KCNMA1: variants seen among roughly 807,000 people sequenced by gnomAD.
The protein encoded by KCNMA1 is potassium calcium-activated channel subfamily M alpha 1, also known as Calcium-activated potassium channel subunit alpha-1.
KCNMA1 carries 29 observed loss-of-function variants against 140.0 expected under a neutral mutation model. The observed-to-expected ratio is 0.21, with a 90% CI of 0.15 to 0.28. The LOEUF (loss-of-function observed/expected upper bound fraction) is 0.28. Ranked by LOEUF, KCNMA1 falls within the 10% of genes least tolerant of loss-of-function variation. The pLI is 1.00. For synonymous variants in KCNMA1, 612 were observed against 611.9 expected, an observed-to-expected ratio of 1.00 and a Z score of 0.00; for missense variants, 880 against 1,602.2, an observed-to-expected ratio of 0.55 and a Z score of 7.70.
At chr10:77,187,732 C>A (rs1598279434) in intron 3 of KCNMA1, among the ~76,000 whole-genome samples, 1 of 152,232 alleles carries the variant, frequency 6.6e-6, no homozygotes, top group East Asian at 1.9e-4. Flanking sequence ...CTTTCTATCC[C>A]TTTTAGCTAT....
intron 1 of KCNMA1, among the ~76,000 whole-genome samples, chr10:77,619,965 T>C (rs948412295): frequency 2.0e-5 from 3 of 152,136 alleles, no homozygotes; most frequent in African/African-American, 7.2e-5. Context: ...CCCAGCCTTC[T>C]ATCACATTTG....
Position 76,920,016 on chromosome 10 carries a change from G to GTA in KCNMA1, c.2903-4968_2903-4967insTA, listed in dbSNP as rs1377571381. ...TGTGTGTGTGTGTGTGTGTGTGTGT[G>GTA]TGTGTATATATATATATATATATAT... On this transcript the variant is annotated intron_variant, in intron 23 of 27. Transcript: ENST00000286628. 3.0e-3 allele frequency among the ~76,000 whole-genome samples: 131 copies of GTA among 44,212 alleles called. 3 individuals carry two copies. Among genetic ancestry groups the GTA allele is most frequent in the Admixed American group, 5.0e-3 (19 of 3,794 alleles). 29.0% of individuals were successfully genotyped at this position (44,212 alleles called of 152,430 possible). A position where few individuals can be genotyped will look rare whatever the true frequency, so the allele number is the denominator to read the frequency against.
At chr10:76,956,893 T>C (rs2068557897) in intron 20 of KCNMA1, among the ~76,000 whole-genome samples, 1 of 151,724 alleles carries the variant, frequency 6.6e-6, no homozygotes, top group South Asian at 2.1e-4. Context: ...GAGGCCAAGG[T>C]GGGCGGATCA....
At chr10:77,151,819 T>C (rs554644110) in intron 5 of KCNMA1, among the ~76,000 whole-genome samples, 7 of 152,228 alleles carry the variant, frequency 4.6e-5, no homozygotes, top group African/African-American at 7.2e-5. Flanking sequence ...TTAAGAGAGA[T>C]GTTACACTGG....
At chr10:77,028,009 C>T (rs2093620468) in intron 15 of KCNMA1, 118 bp from the exon 16 acceptor site, 2 of 895,528 alleles carry the variant, frequency 2.2e-6, no homozygotes, top group African/African-American at 3.3e-5. Flanking sequence ...GATCCTCATT[C>T]CACCGGCACT....
At chr10:77,192,287 C>T (rs1003445698) in intron 3 of KCNMA1, among the ~76,000 whole-genome samples, 5 of 152,202 alleles carry the variant, frequency 3.3e-5, no homozygotes, top group Admixed American at 6.5e-5. Flanking sequence ...ACTCAGGTGG[C>T]GAGAACCCTT....
At chr10:77,562,404 G>C (rs1006212451) in intron 1 of KCNMA1, among the ~76,000 whole-genome samples, 5 of 152,054 alleles carry the variant, frequency 3.3e-5, no homozygotes, top group African/African-American at 1.2e-4. Context: ...ATACTTCCTC[G>C]CAAGCTGTTG....
chr10:76,909,854 G>T, intron 25 of KCNMA1, 112 bp downstream of exon 25: 1 of 1,097,268 alleles, frequency 9.1e-7, no homozygotes, highest in Non-Finnish European at 1.3e-6. Context: ...GAGCTTCTAG[G>T]AGTCTTGCTC....
At chr10:77,522,963 A>T (rs1408551713) in intron 1 of KCNMA1, among the ~76,000 whole-genome samples, 1 of 152,140 alleles carries the variant, frequency 6.6e-6, no homozygotes, top group Non-Finnish European at 1.5e-5. Flanking sequence ...TTTGGGTCCC[A>T]TCAAGGGGCA....
intron 12 of KCNMA1, among the ~76,000 whole-genome samples, chr10:77,082,705 C>G (rs1034966989): frequency 6.6e-6 from 1 of 151,988 alleles, no homozygotes. Flanking sequence ...GTAACTGATT[C>G]GGGAATGAGC....
At chr10:77,025,381 G>A (rs1040334643) in intron 16 of KCNMA1, 44 of 1,372,160 alleles carry the variant, frequency 3.2e-5, no homozygotes, top group Non-Finnish European at 4.3e-5. Context: ...CAAATGGTTA[G>A]TCCTGTGGTT....
At chr10:77,098,036 C>T (rs1256671385) in intron 9 of KCNMA1, among the ~76,000 whole-genome samples, 1 of 152,230 alleles carries the variant, frequency 6.6e-6, no homozygotes, top group Non-Finnish European at 1.5e-5. Flanking sequence ...TGCATCTTAT[C>T]GCATGCAGAC....
intron 1 of KCNMA1, among the ~76,000 whole-genome samples, chr10:77,490,400 C>T (rs1391053764): frequency 1.3e-5 from 2 of 152,196 alleles, no homozygotes; most frequent in African/African-American, 2.4e-5. Flanking sequence ...GCAAGTGGCT[C>T]CAGCTCTTTG....
At chr10:77,219,463 G>A (rs996366878) in intron 3 of KCNMA1, among the ~76,000 whole-genome samples, 24 of 152,084 alleles carry the variant, frequency 1.6e-4, no homozygotes, top group African/African-American at 5.8e-4. Flanking sequence ...GTTCTAAGAG[G>A]GGTGGTGGCT....
At chr10:76,910,548 C>G in intron 24 of KCNMA1, 1 of 278,612 alleles carries the variant, frequency 3.6e-6, no homozygotes. Flanking sequence ...GGAAGGGGAG[C>G]ACAGCAAAGG....
intron 18 of KCNMA1, among the ~76,000 whole-genome samples, 188 bp from the exon 19 acceptor site, chr10:77,001,768 C>T (rs1408041813): frequency 2.0e-5 from 3 of 152,102 alleles, no homozygotes; most frequent in Non-Finnish European, 2.9e-5. Context: ...AAAAAAGCAG[C>T]GAAAATATAA....
chr10:77,461,062 C>T (rs1352276942), intron 1 of KCNMA1, among the ~76,000 whole-genome samples: 1 of 151,968 alleles, frequency 6.6e-6, no homozygotes, highest in African/African-American at 2.4e-5. Flanking sequence ...GCCAAGATCA[C>T]ACCATTGCAC....
chr10:77,294,912 C>T (rs1455897093), intron 2 of KCNMA1, among the ~76,000 whole-genome samples: 3 of 151,238 alleles, frequency 2.0e-5, no homozygotes, highest in Non-Finnish European at 4.4e-5. Flanking sequence ...GAGCAAGACT[C>T]TGTCTCAAAA....
chr10:77,463,650 G>A (rs2097920401), intron 1 of KCNMA1, among the ~76,000 whole-genome samples: 1 of 152,190 alleles, frequency 6.6e-6, no homozygotes, highest in Non-Finnish European at 1.5e-5. Flanking sequence ...ATGGAACAGG[G>A]ACTGTGAGCC....
Sources: gnomAD v4.1 joint callset for allele counts (sites outside exome capture counted in the v4.1 genomes callset) on GRCh38, gnomAD v4.1.1 for gene constraint, MANE v1.5 for transcripts, NCBI Gene and HGNC (gene_info 2026-07-23, HGNC 2026-07-21) for gene names.